Variants in LRMDA observed in about 807,000 individuals in gnomAD.
LRMDA encodes the protein leucine-rich melanocyte differentiation-associated protein.
In LRMDA, 18 loss-of-function variants were observed where a neutral mutation model predicts 29.8. That is an observed-to-expected ratio of 0.60 (90% CI 0.42 to 0.90). The LOEUF (loss-of-function observed/expected upper bound fraction) is 0.90, where lower values mean the gene tolerates loss of function less well. LRMDA is among the 40% of genes least tolerant of loss of function. LRMDA has a pLI of 0.00. For missense variants in LRMDA, 273 were observed against 273.9 expected (o/e 1.00, Z 0.02); for synonymous variants, 125 against 109.4 (o/e 1.14, Z -0.89).
At chr10:75,611,080 A>T (rs1418616179) in intron 2 of LRMDA, among the ~76,000 whole-genome samples, 1 of 152,032 alleles carries the variant, frequency 6.6e-6, no homozygotes, top group Non-Finnish European at 1.5e-5. Flanking sequence ...CTGGTGGGGC[A>T]CTCAGACAGG....
intron 2 of LRMDA, among the ~76,000 whole-genome samples, chr10:75,690,969 TA>T (rs1191387195): frequency 0.011 from 1,087 of 96,548 alleles, 22 homozygotes; most frequent in African/African-American, 0.045. Context: ...CCCTGTCTCT[TA>T]AAAAAAAAAT....
intron 6 of LRMDA, among the ~76,000 whole-genome samples, chr10:76,495,029 A>T (rs186093931): frequency 4.6e-5 from 7 of 151,874 alleles, no homozygotes; most frequent in African/African-American, 1.7e-4. Flanking sequence ...AGTATGTCAC[A>T]TTTTCCTCTG....
chr10:75,993,643 G>A (rs1847409316), intron 2 of LRMDA, among the ~76,000 whole-genome samples: 1 of 151,872 alleles, frequency 6.6e-6, no homozygotes, highest in Admixed American at 6.6e-5. Context: ...TGAGGCAGGA[G>A]AGTCTCTTGA....
intron 5 of LRMDA, among the ~76,000 whole-genome samples, chr10:76,062,654 C>CTGTGTGTGTG (rs1369528064): frequency 0.018 from 2,430 of 136,276 alleles, 37 homozygotes; most frequent in Non-Finnish European, 0.026. Flanking sequence ...GACTTTATCT[C>CTGTGTGTGTG]TCTGTGTGTG....
chr10:76,072,601 A>T (rs1848892652), intron 5 of LRMDA, among the ~76,000 whole-genome samples: 1 of 152,236 alleles, frequency 6.6e-6, no homozygotes. Flanking sequence ...TGTAAACATC[A>T]TGAAAAATGA....
At chr10:75,798,583 T>C (rs1193022562) in intron 2 of LRMDA, among the ~76,000 whole-genome samples, 1 of 152,120 alleles carries the variant, frequency 6.6e-6, no homozygotes, top group Non-Finnish European at 1.5e-5. Context: ...TCATGTTTTC[T>C]AATATAAGCA....
At chr10:76,394,370 G>T (rs1841758600) in intron 6 of LRMDA, among the ~76,000 whole-genome samples, 1 of 152,276 alleles carries the variant, frequency 6.6e-6, no homozygotes, top group South Asian at 2.1e-4. Flanking sequence ...TTCTGTGAAT[G>T]ACCAAATTCT....
chr10:75,853,348 T>G (rs942259430), intron 2 of LRMDA, among the ~76,000 whole-genome samples: 1 of 152,110 alleles, frequency 6.6e-6, no homozygotes, highest in Non-Finnish European at 1.5e-5. Flanking sequence ...TCTCCTGGAT[T>G]GTAAGAAGCA....
At chr10:76,195,961 C>T (rs1479869869) in intron 5 of LRMDA, among the ~76,000 whole-genome samples, 1 of 152,152 alleles carries the variant, frequency 6.6e-6, no homozygotes, top group Non-Finnish European at 1.5e-5. Context: ...TGCCACATTA[C>T]AAGAAAATAC....
At chr10:75,524,806 C>A (rs114834207) in intron 2 of LRMDA, among the ~76,000 whole-genome samples, 2 of 152,116 alleles carry the variant, frequency 1.3e-5, no homozygotes, top group Non-Finnish European at 2.9e-5. Flanking sequence ...ATCCATCCAT[C>A]TGGCATTTGT....
chr10:76,257,004 A>G (rs1267656994), intron 5 of LRMDA, among the ~76,000 whole-genome samples: 5 of 152,336 alleles, frequency 3.3e-5, no homozygotes, highest in Non-Finnish European at 7.3e-5. Context: ...TCTGTCATTC[A>G]ATGAGACTAC....
At chr10:75,994,059 A>G (rs1847417824) in intron 2 of LRMDA, among the ~76,000 whole-genome samples, 1 of 152,166 alleles carries the variant, frequency 6.6e-6, no homozygotes, top group Non-Finnish European at 1.5e-5. Context: ...CCTAAGGCCT[A>G]TCTATTCTTT....
At chr10:76,101,742 A>AG (rs1196376780) in intron 5 of LRMDA, among the ~76,000 whole-genome samples, 5 of 152,104 alleles carry the variant, frequency 3.3e-5, no homozygotes, top group Non-Finnish European at 5.9e-5. Context: ...GTCTCAAAAA[A>AG]AAAATGTATT....
chr10:75,539,591 A>T (rs771780123), intron 2 of LRMDA, among the ~76,000 whole-genome samples: 1 of 152,220 alleles, frequency 6.6e-6, no homozygotes, highest in Non-Finnish European at 1.5e-5. Flanking sequence ...AATAATATTG[A>T]TAAAAATGCT....
chr10:76,093,924 A>G (rs1396581412), intron 5 of LRMDA, among the ~76,000 whole-genome samples: 2 of 152,156 alleles, frequency 1.3e-5, no homozygotes, highest in Non-Finnish European at 1.5e-5. Flanking sequence ...TCCTTCTCCC[A>G]TAGAGCCTCT....
chr10:75,930,073 T>C (rs180779423), intron 2 of LRMDA, among the ~76,000 whole-genome samples: 14 of 152,350 alleles, frequency 9.2e-5, no homozygotes, highest in African/African-American at 3.4e-4. Context: ...AATCATATGC[T>C]GAGAGGCTTT....
rs76697535 is a variant in LRMDA at position 75,615,701 on chromosome 10, A to G, written c.131+177207A>G. On this transcript the variant is annotated intron_variant, in intron 2 of 6. Coordinates refer to ENST00000611255, the MANE Select transcript of LRMDA (RefSeq NM_001305581.2). ...TTGAATAGTCATGGTATTGGAAAAA[A>G]CATTAATGAGCAAGGAACCAGGAGA... 3.6e-3 allele frequency among the ~76,000 whole-genome samples: 541 copies of G among 152,320 alleles called. 1 individual carries two copies. Among genetic ancestry groups the G allele is most frequent in the African/African-American group, 0.012 (516 of 41,578 alleles).
At chr10:75,714,552 A>T (rs1426937271) in intron 2 of LRMDA, among the ~76,000 whole-genome samples, 1 of 152,274 alleles carries the variant, frequency 6.6e-6, no homozygotes, top group Non-Finnish European at 1.5e-5. Flanking sequence ...AATGGAACAG[A>T]TCACATAGAT....
intron 5 of LRMDA, among the ~76,000 whole-genome samples, chr10:76,266,702 A>G (rs1381223247): frequency 2.6e-5 from 4 of 152,226 alleles, no homozygotes; most frequent in Non-Finnish European, 5.9e-5. Context: ...AACTCAGTAT[A>G]TTAGACCTTG....
Sources: allele counts gnomAD v4.1 joint callset (sites outside exome capture counted in the v4.1 genomes callset), GRCh38; gene constraint gnomAD v4.1.1; transcripts MANE v1.5; gene names NCBI Gene and HGNC (gene_info 2026-07-23, HGNC 2026-07-21).